The following VPS13C variants were observed in gnomAD, a reference collection of about 807,000 sequenced individuals.
VPS13C encodes the protein vacuolar protein sorting 13 homolog C, also known as intermembrane lipid transfer protein VPS13C.
A neutral mutation model predicts 456.8 loss-of-function variants in VPS13C; 358 were observed. That is an observed-to-expected ratio of 0.78 (90% CI 0.72 to 0.86). The LOEUF is 0.86. Ranked by LOEUF, VPS13C falls within the 40% of genes least tolerant of loss-of-function variation. The pLI is 0.00. For synonymous variants in VPS13C, 1,578 were observed against 1,486.7 expected (o/e 1.06, Z -1.41); for missense variants, 4,818 against 4,385.4 (o/e 1.10, Z -2.79).
chr15:62,060,346 A>T lies in VPS13C; in HGVS notation c.29T>A (p.Leu10Ter), dbSNP rs1325206522. MVLESVVAD[L>*]LNRFLGDYVE... ...ATAGTCCCCCAGGAAGCGGTTCAGC[A>T]AGTCCGCGACCACCGACTCCAGCAC... Residue 10 changes from leucine (L) to a stop codon, truncating the protein, a stop_gained, in exon 1 of 85, where the codon TTG becomes TAG. Coordinates refer to ENST00000644861, the MANE Select transcript of VPS13C (RefSeq NM_020821.3). LOFTEE classifies it high-confidence loss of function. The T allele has an allele frequency of 6.2e-7, 1 of 1,602,442 alleles. No individual in the cohort carries two copies. The highest frequency in any genetic ancestry group is 8.5e-7 in the Non-Finnish European group (1 of 1,175,288).
rs555711779 is a variant in VPS13C, at chr15:61,862,749, C to T, written c.10952+691G>A. On this transcript the variant is annotated intron_variant, in intron 82 of 84. Transcript: ENST00000644861. ...ACATGACTGGTTAACCTCTCTTATC[C>T]TGTCATTCAGCTTTTCTTTATTCCC... Among the ~76,000 whole-genome samples, 44 of 152,256 alleles carry T rather than the reference C, an allele frequency of 2.9e-4. No individual in the cohort carries two copies. In the South Asian group the frequency reaches 8.7e-3, roughly 30 times the overall value.
intron 43 of VPS13C, 147 bp downstream of exon 43, chr15:61,947,046 A>G (rs191786904): frequency 3.0e-4 from 161 of 539,664 alleles, no homozygotes; most frequent in African/African-American, 2.7e-3. Context: ...TACTTGTAAC[A>G]TTTTAAAGCA....
chr15:61,947,109 C>A, intron 43 of VPS13C, 84 bp downstream of exon 43: 5 of 863,938 alleles, frequency 5.8e-6, no homozygotes, highest in Non-Finnish European at 8.8e-6. Context: ...AAAGAAAACT[C>A]ATGAGAAATC....
At chr15:61,901,904 C>T (rs1372426713) in intron 66 of VPS13C, among the ~76,000 whole-genome samples, 1 of 152,008 alleles carries the variant, frequency 6.6e-6, no homozygotes, top group East Asian at 1.9e-4. Flanking sequence ...AAATGTGGCA[C>T]ATATACACCA....
At chr15:62,007,969 G>T (rs190511783) in intron 14 of VPS13C, among the ~76,000 whole-genome samples, 8 of 152,090 alleles carry the variant, frequency 5.3e-5, no homozygotes, top group Non-Finnish European at 1.2e-4. Context: ...GGCCAGGCAC[G>T]GTGGCTCACG....
At chr15:61,888,746 G>A (rs113080764) in intron 67 of VPS13C, among the ~76,000 whole-genome samples, 1,630 of 152,234 alleles carry the variant, frequency 0.011, 31 homozygotes, top group African/African-American at 0.038. Context: ...TTTTAGGGCA[G>A]TGAAACTATC....
At chr15:61,955,765 T>C (rs1040221927) in intron 37 of VPS13C, among the ~76,000 whole-genome samples, 1 of 152,076 alleles carries the variant, frequency 6.6e-6, no homozygotes, top group Middle Eastern at 3.2e-3. Flanking sequence ...CATTAAAAGA[T>C]CCATTAAAAG....
At chr15:61,871,425 C>G (rs1374687210) in intron 79 of VPS13C, among the ~76,000 whole-genome samples, 1 of 152,072 alleles carries the variant, frequency 6.6e-6, no homozygotes, top group African/African-American at 2.4e-5. Context: ...TTTCTGACTC[C>G]TTCTGAACTC....
intron 3 of VPS13C, among the ~76,000 whole-genome samples, chr15:62,040,477 A>G (rs916443325): frequency 1.3e-5 from 2 of 152,234 alleles, no homozygotes; most frequent in East Asian, 3.9e-4. Flanking sequence ...ATAAATATAT[A>G]TACCTACTAT....
At chr15:62,021,924 AATT>A (rs761347270) in intron 8 of VPS13C, among the ~76,000 whole-genome samples, 24 of 151,882 alleles carry the variant, frequency 1.6e-4, no homozygotes, top group Non-Finnish European at 3.4e-4. Flanking sequence ...CTTTATGATA[AATT>A]ATTATATTTT....
In VPS13C at chr15:61,909,262, C is replaced by T. The variant is rs553191556; in HGVS notation, c.8845-137G>A. 989 of 1,050,470 alleles carry T rather than the reference C, an allele frequency of 9.4e-4. 2 individuals carry two copies. Among genetic ancestry groups the T allele is most frequent in the Non-Finnish European group, 1.1e-3 (829 of 741,836 alleles). 65.1% of individuals were successfully genotyped at this position (1,050,470 alleles called of 1,614,324 possible). A position where few individuals can be genotyped will look rare whatever the true frequency, so the allele number is the denominator to read the frequency against. ...TCTTGCTGTCACCCAGGCTGGAGTA[C>T]AGTGGCGCCATCTCGGGTTACTGCA... On this transcript the variant is annotated intron_variant, in intron 64 of 84. Transcript: ENST00000644861.
intron 82 of VPS13C, among the ~76,000 whole-genome samples, chr15:61,860,876 C>T (rs1894182637): frequency 6.7e-6 from 1 of 149,586 alleles, no homozygotes; most frequent in Admixed American, 6.7e-5. Flanking sequence ...TTGATAATTA[C>T]ATAGGGACAA....
At chr15:62,037,267 T>TTATATAATATATATATAAA (rs1567136533) in intron 3 of VPS13C, among the ~76,000 whole-genome samples, 41 of 21,708 alleles carry the variant, frequency 1.9e-3, no homozygotes, top group African/African-American at 6.8e-3. Context: ...ATATATTATA[T>TTATATAATATATATATAAA]TATATAATAT....
In VPS13C at chr15:61,917,428, T is replaced by A; in HGVS notation, c.7968A>T (p.Glu2656Asp). Residue 2656 changes from glutamate to aspartate, a missense_variant, in exon 60 of 85, where the codon GAA (glutamate) becomes GAT (aspartate). Physicochemically the swap from Glu to Asp is conservative, Grantham distance 45. Coordinates refer to ENST00000644861, the MANE Select transcript of VPS13C (RefSeq NM_020821.3). ...GAATAATGTAAGCTACATCCCAGTC[T>A]TCCCCATGTGTACATATGTAGCTCA... The part of the protein sequence containing the change: ...DELSYICTHG[E>D]DWDVAYIIHL... 1 of 1,614,014 alleles carries A rather than the reference T, an allele frequency of 6.2e-7. No individual in the cohort carries two copies. The highest frequency in any genetic ancestry group is 8.5e-7 in the Non-Finnish European group (1 of 1,179,898).
chr15:62,014,278 C>A (rs1490923469), intron 9 of VPS13C, among the ~76,000 whole-genome samples: 1 of 151,910 alleles, frequency 6.6e-6, no homozygotes, highest in African/African-American at 2.4e-5. Context: ...AAACAGAGAG[C>A]CAGCCTATAC....
chr15:62,013,384 T>C, intron 10 of VPS13C, among the ~76,000 whole-genome samples: 1 of 151,880 alleles, frequency 6.6e-6, no homozygotes, highest in Non-Finnish European at 1.5e-5. Flanking sequence ...TATTCAGAAA[T>C]TAGTATTTAA....
Position 61,853,014 on chromosome 15 carries a change from T to A in VPS13C, c.*1443A>T, listed in dbSNP as rs1022608819. 4 of 152,146 alleles carry A rather than the reference T, an allele frequency of 2.6e-5. No individual in the cohort carries two copies. The highest frequency in any genetic ancestry group is 4.4e-5 in the Non-Finnish European group (3 of 68,008). 9.4% of individuals were successfully genotyped at this position (152,146 alleles called of 1,614,324 possible). On this transcript the variant is annotated 3_prime_UTR_variant, in exon 85 of 85. Coordinates refer to ENST00000644861, the MANE Select transcript of VPS13C (RefSeq NM_020821.3). The stretch of plus-strand genomic sequence containing the variant: ...GAAATAAATGTTGTTATGTTAAACA[T>A]TATGAGCAAATCTAAAGGTTCAACC...
chr15:62,027,395 TTGATATTAAACAAAGTAA>T, intron 6 of VPS13C, among the ~76,000 whole-genome samples: 1 of 152,242 alleles, frequency 6.6e-6, no homozygotes, highest in Admixed American at 6.5e-5. Flanking sequence ...CATGCTATCT[TTGATATTAAACAAAGTAA>T]CTATAAGACA....
chr15:61,997,431 C>T (rs1405602570), intron 16 of VPS13C, among the ~76,000 whole-genome samples: 1 of 151,994 alleles, frequency 6.6e-6, no homozygotes, highest in Non-Finnish European at 1.5e-5. Flanking sequence ...ATGTGCTGAC[C>T]CTTCCTACAT....
Sources: allele counts gnomAD v4.1 joint callset (sites outside exome capture counted in the v4.1 genomes callset), GRCh38; gene constraint gnomAD v4.1.1; transcripts MANE v1.5; gene names NCBI Gene and HGNC (gene_info 2026-07-23, HGNC 2026-07-21).